The following BTBD9 variants were observed in gnomAD, a reference collection of about 807,000 sequenced individuals.
BTBD9 encodes the protein BTB domain containing 9, also known as BTB/POZ domain-containing protein 9.
BTBD9 carries 49 observed loss-of-function variants against 64.3 expected under a neutral mutation model. The observed-to-expected ratio is 0.76, with a 90% CI of 0.61 to 0.97. The LOEUF (loss-of-function observed/expected upper bound fraction) is 0.97, where lower values mean the gene tolerates loss of function less well. Ranked by LOEUF, BTBD9 falls within the 50% of genes least tolerant of loss-of-function variation. BTBD9 has a pLI of 0.00. For synonymous variants in BTBD9, 260 were observed against 274.7 expected (o/e 0.95, Z 0.53); for missense variants, 598 against 762.1 (o/e 0.78, Z 2.53).
intron 1 of BTBD9, 140 bp from the exon 2 acceptor site, chr6:38,598,261 T>A: frequency 1.7e-6 from 1 of 604,464 alleles, no homozygotes; most frequent in Non-Finnish European, 2.8e-6. Flanking sequence ...GTATCCTTAT[T>A]AACCCATTTA....
intron 6 of BTBD9, among the ~76,000 whole-genome samples, chr6:38,541,595 G>A (rs950330782): frequency 3.9e-5 from 6 of 152,104 alleles, no homozygotes; most frequent in African/African-American, 9.7e-5. Context: ...AAAATTAGCC[G>A]GGCATGGTGG....
intron 1 of BTBD9, among the ~76,000 whole-genome samples, chr6:38,635,005 A>G (rs948794976): frequency 2.6e-5 from 4 of 152,188 alleles, no homozygotes; most frequent in Non-Finnish European, 4.4e-5. Flanking sequence ...ATCCTCTAAC[A>G]GCACCATCAG....
chr6:38,596,046 C>T (rs1777019299), intron 2 of BTBD9: 1 of 985,316 alleles, frequency 1.0e-6, no homozygotes, highest in Admixed American at 6.1e-5. Context: ...TATGAAGTTT[C>T]CTCCTATACA....
chr6:38,399,589 T>C (rs1766835923), intron 6 of BTBD9, among the ~76,000 whole-genome samples: 2 of 152,204 alleles, frequency 1.3e-5, no homozygotes, highest in Admixed American at 1.3e-4. Context: ...GTGAGTTGCC[T>C]ATCCAAGAAT....
intron 6 of BTBD9, among the ~76,000 whole-genome samples, chr6:38,460,846 C>T (rs1361664256): frequency 6.6e-6 from 1 of 152,202 alleles, no homozygotes; most frequent in Admixed American, 6.5e-5. Flanking sequence ...TGATCTCCGT[C>T]TCCTGACCTC....
chr6:38,497,718 A>G (rs559698724), intron 6 of BTBD9, among the ~76,000 whole-genome samples: 3 of 152,348 alleles, frequency 2.0e-5, no homozygotes, highest in Admixed American at 6.5e-5. Context: ...ACCTATTAAC[A>G]ATAAAAACCA....
chr6:38,386,630 CTTTTTTTT>C lies in BTBD9; in HGVS notation c.1155-41545_1155-41538del, dbSNP rs11423572. On this transcript the variant is annotated intron_variant, in intron 6 of 10. Coordinates refer to ENST00000481247, the MANE Select transcript of BTBD9 (RefSeq NM_001099272.2). ...TTTGGGATACATTTTCCAGTTTACT[CTTTTTTTT>C]TTTTTTTTTTTTTTGGAGTGGGGGG... Among the ~76,000 whole-genome samples the C allele has an allele frequency of 8.6e-5, 8 of 92,772 alleles. No individual in the cohort carries two copies. In the East Asian group the frequency reaches 1.1e-3, roughly 13 times the overall value. The allele number at this position is 92,772 out of a possible 152,430, so 60.9% of individuals were successfully genotyped here.
At chr6:38,441,581 T>TA (rs1238368466) in intron 6 of BTBD9, among the ~76,000 whole-genome samples, 3 of 151,920 alleles carry the variant, frequency 2.0e-5, no homozygotes, top group Non-Finnish European at 2.9e-5. Flanking sequence ...CCTGGCTAGT[T>TA]AAAAAAAATT....
chr6:38,593,667 C>T (rs1776908791), intron 3 of BTBD9, among the ~76,000 whole-genome samples: 1 of 152,086 alleles, frequency 6.6e-6, no homozygotes, highest in Non-Finnish European at 1.5e-5. Flanking sequence ...GTATGCAATA[C>T]CAAAAAGGAC....
chr6:38,276,297 A>T (rs1342807837), intron 8 of BTBD9, among the ~76,000 whole-genome samples: 1 of 150,318 alleles, frequency 6.7e-6, no homozygotes, highest in Non-Finnish European at 1.5e-5. Context: ...GGAATTGAAC[A>T]ATGGAACACA....
chr6:38,594,838 G>A (rs1776969189), intron 2 of BTBD9, among the ~76,000 whole-genome samples: 1 of 152,184 alleles, frequency 6.6e-6, no homozygotes, highest in African/African-American at 2.4e-5. Context: ...GCCCTTTATG[G>A]AAAGTAATTT....
At chr6:38,490,990 C>T (rs1053961759) in intron 6 of BTBD9, among the ~76,000 whole-genome samples, 1 of 151,974 alleles carries the variant, frequency 6.6e-6, no homozygotes, top group African/African-American at 2.4e-5. Flanking sequence ...GCATAAAAGC[C>T]AGAATAAAAA....
chr6:38,246,308 T>C (rs1764199173), intron 9 of BTBD9, among the ~76,000 whole-genome samples: 1 of 152,222 alleles, frequency 6.6e-6, no homozygotes, highest in Non-Finnish European at 1.5e-5. Context: ...AAGCATCAGC[T>C]TTAGGTACTT....
intron 6 of BTBD9, among the ~76,000 whole-genome samples, chr6:38,481,082 A>G (rs781434699): frequency 2.6e-5 from 4 of 152,240 alleles, no homozygotes; most frequent in African/African-American, 4.8e-5. Flanking sequence ...GAAACAATGG[A>G]AATCCCATTG....
chr6:38,551,324 T>C (rs1313266587), intron 6 of BTBD9, among the ~76,000 whole-genome samples: 1 of 152,204 alleles, frequency 6.6e-6, no homozygotes, highest in Non-Finnish European at 1.5e-5. Flanking sequence ...GGGCATACCA[T>C]GTTTAAAGAT....
intron 1 of BTBD9, among the ~76,000 whole-genome samples, chr6:38,609,427 A>C (rs767273351): frequency 6.6e-6 from 1 of 152,202 alleles, no homozygotes; most frequent in Admixed American, 6.5e-5. Flanking sequence ...CTATAAAACT[A>C]TCAGCCTTTA....
intron 7 of BTBD9, among the ~76,000 whole-genome samples, chr6:38,298,975 T>C (rs1489974114): frequency 1.3e-5 from 2 of 152,100 alleles, no homozygotes; most frequent in Non-Finnish European, 2.9e-5. Flanking sequence ...CATTTAGCAT[T>C]AGGTATACCT....
At chr6:38,354,858 T>C (rs1764654114) in intron 6 of BTBD9, among the ~76,000 whole-genome samples, 1 of 150,806 alleles carries the variant, frequency 6.6e-6, no homozygotes, top group Non-Finnish European at 1.5e-5. Flanking sequence ...TTGAGGAAAA[T>C]GCTCACCACA....
At chr6:38,626,122 C>A (rs1778157379) in intron 1 of BTBD9, among the ~76,000 whole-genome samples, 1 of 152,206 alleles carries the variant, frequency 6.6e-6, no homozygotes, top group Non-Finnish European at 1.5e-5. Context: ...TTACAGCCAA[C>A]TGTTCAACCT....
Sources: allele counts gnomAD v4.1 joint callset (sites outside exome capture counted in the v4.1 genomes callset), GRCh38; gene constraint gnomAD v4.1.1; transcripts MANE v1.5; gene names NCBI Gene and HGNC (gene_info 2026-07-23, HGNC 2026-07-21).